HNRNPUL2: variants seen among roughly 807,000 people sequenced by gnomAD.
The protein encoded by HNRNPUL2 is heterogeneous nuclear ribonucleoprotein U-like protein 2.
Under a neutral mutation model 102.2 loss-of-function variants are expected in HNRNPUL2, and 27 were observed. That is an observed-to-expected ratio of 0.26 (90% confidence interval 0.19 to 0.36). HNRNPUL2 has a LOEUF of 0.36. HNRNPUL2 is among the 10% of genes least tolerant of loss of function. The pLI, the probability that HNRNPUL2 is intolerant of heterozygous loss-of-function variation, is 1.00. For synonymous variants in HNRNPUL2, 458 were observed against 387.2 expected (o/e 1.18, Z -2.15); for missense variants, 936 against 981.1 (o/e 0.95, Z 0.61).
rs1467491367 is a variant in HNRNPUL2, at chr11:62,723,952, T to C, written c.713A>G (p.Asp238Gly). 6.2e-7 allele frequency: 1 copy of C among 1,614,060 alleles called. No homozygotes were observed. Among genetic ancestry groups the C allele is most frequent in the Non-Finnish European group, 8.5e-7 (1 of 1,179,990 alleles). The change falls in exon 3 of 14, where the codon GAT (aspartate) becomes GGT (glycine). Residue 238 changes from aspartate to glycine, a missense_variant. Coordinates refer to ENST00000301785, the MANE Select transcript of HNRNPUL2 (RefSeq NM_001079559.3). ...CACAAGAGTTTGATCCTCCTCCTCATCTTTTGCCTCTTCTTCAGGAGGCAG... is the reference window on the plus strand; with the variant it reads ...CACAAGAGTTTGATCCTCCTCCTCACCTTTTGCCTCTTCTTCAGGAGGCAG... The part of the protein sequence containing the change: ...SPLPPEEEAK[D>G]EEEDQTLVNL...
Position 62,723,929 on chromosome 11 carries a change from C to T in HNRNPUL2, c.736G>A (p.Val246Met), listed in dbSNP as rs1306987334. ...TTATACATACACGTGTCCAGGTTCA[C>T]AAGAGTTTGATCCTCCTCCTCATCT... ...AKDEEEDQTL[V>M]NLDTYTSDLH... The change falls in exon 3 of 14, where the codon GTG becomes ATG. Residue 246 changes from valine to methionine, a missense_variant. Physicochemically the swap from Val to Met is conservative, Grantham distance 21. Transcript: ENST00000301785. 1 of 1,614,056 alleles carries T rather than the reference C, an allele frequency of 6.2e-7. No homozygotes were observed. Among genetic ancestry groups the T allele is most frequent in the African/African-American group, 1.3e-5 (1 of 75,042 alleles).
intron 10 of HNRNPUL2, among the ~76,000 whole-genome samples, chr11:62,718,080 A>G (rs971141943): frequency 1.6e-4 from 25 of 152,248 alleles, no homozygotes; most frequent in Non-Finnish European, 3.4e-4. Context: ...CATTCTCAGT[A>G]AACTCTGAGG....
rs1327159582 is a variant in HNRNPUL2, at chr11:62,715,709, A to G, written c.2056-102T>C. On this transcript the variant is annotated intron_variant, in intron 12 of 13. Coordinates refer to ENST00000301785, the MANE Select transcript of HNRNPUL2 (RefSeq NM_001079559.3). ...GCGACACATCTTAGCTCGATATTATAAATTGGTTTAATTTTCCCATAGTAA... is the reference window on the plus strand; with the variant it reads ...GCGACACATCTTAGCTCGATATTATGAATTGGTTTAATTTTCCCATAGTAA... 4.4e-6 allele frequency: 5 copies of G among 1,130,862 alleles called. No individual in the cohort carries two copies. The East Asian group carries it at 1.2e-4, about 27-fold the overall frequency. The allele number at this position is 1,130,862 out of a possible 1,614,324, so 70.1% of individuals were successfully genotyped here.
chr11:62,715,035 C>T lies in HNRNPUL2; in HGVS notation c.*264G>A. The T allele has an allele frequency of 4.8e-6, 2 of 415,854 alleles. No individual in the cohort carries two copies. Among genetic ancestry groups the T allele is most frequent in the East Asian group, 4.4e-5 (1 of 22,802 alleles). The allele number at this position is 415,854 out of a possible 1,614,324, so 25.8% of individuals were successfully genotyped here. A position where few individuals can be genotyped will look rare whatever the true frequency, so the allele number is the denominator to read the frequency against. On this transcript the variant is annotated 3_prime_UTR_variant, in exon 14 of 14. Coordinates refer to ENST00000301785, the MANE Select transcript of HNRNPUL2 (RefSeq NM_001079559.3). ...TTTCTGCGCAAATGTTTTTTGATTA[C>T]AAATCTCTAACTAGGTTTGAAATGT...
rs1481458805 is a variant in HNRNPUL2 at position 62,714,068 on chromosome 11, C to A, written c.*1231G>T. On this transcript the variant is annotated 3_prime_UTR_variant, in exon 14 of 14. Coordinates refer to ENST00000301785, the MANE Select transcript of HNRNPUL2 (RefSeq NM_001079559.3). ...AGTCGGGAAGGGGTGCTCCCTTTCA[C>A]ACGCACATTTACACACGTTCACACT... The A allele has an allele frequency of 6.6e-6, 1 of 152,172 alleles. No individual in the cohort carries two copies. Among genetic ancestry groups the A allele is most frequent in the Non-Finnish European group, 1.5e-5 (1 of 68,052 alleles). The allele number at this position is 152,172 out of a possible 1,614,324, so 9.4% of individuals were successfully genotyped here. A position where few individuals can be genotyped will look rare whatever the true frequency, so the allele number is the denominator to read the frequency against.
rs2083763693 is a variant in HNRNPUL2, at chr11:62,727,243, C to T, written c.-87G>A. 1.5e-6 allele frequency: 2 copies of T among 1,296,536 alleles called. No individual in the cohort carries two copies. The highest frequency in any genetic ancestry group is 2.0e-6 in the Non-Finnish European group (2 of 1,024,430). The allele number at this position is 1,296,536 out of a possible 1,614,324, so 80.3% of individuals were successfully genotyped here. A position where few individuals can be genotyped will look rare whatever the true frequency, so the allele number is the denominator to read the frequency against. On this transcript the variant is annotated 5_prime_UTR_variant, in exon 1 of 14. Transcript: ENST00000301785. ...GACCGCGCAGGCGCCGCCGCCGCCG[C>T]CCGCCTCCGCCTCACGCGCCAGCAC...
In HNRNPUL2 at chr11:62,715,231, T is replaced by G; in HGVS notation, c.*68A>C. 6 of 1,040,280 alleles carry G rather than the reference T, an allele frequency of 5.8e-6. No homozygotes were observed. Among genetic ancestry groups the G allele is most frequent in the Non-Finnish European group, 8.1e-6 (6 of 745,304 alleles). The allele number at this position is 1,040,280 out of a possible 1,614,324, so 64.4% of individuals were successfully genotyped here. A position where few individuals can be genotyped will look rare whatever the true frequency, so the allele number is the denominator to read the frequency against. On this transcript the variant is annotated 3_prime_UTR_variant, in exon 14 of 14. Coordinates refer to ENST00000301785, the MANE Select transcript of HNRNPUL2 (RefSeq NM_001079559.3). The stretch of plus-strand genomic sequence containing the variant: ...ACAGCCCCTGTTTTCCTTGGTTGTG[T>G]TTTGCGGGGGTGCCTGGCACCCCCA...
intron 10 of HNRNPUL2, among the ~76,000 whole-genome samples, chr11:62,719,816 T>C (rs2083686723): frequency 6.6e-6 from 1 of 152,158 alleles, no homozygotes; most frequent in African/African-American, 2.4e-5. Flanking sequence ...GTGGCTTTGT[T>C]ATAAAAGCAA....
chr11:62,721,834 G>C lies in HNRNPUL2; in HGVS notation c.1468C>G (p.Leu490Val). The part of the protein sequence containing the change: ...RYNVLGAETV[L>V]NQMRMKGLEE... ...CAGCAACTTACCCTCATTTGATTGA[G>C]CACAGTCTCAGCTCCCAGGACATTG... Residue 490 changes from leucine to valine, a missense_variant, in exon 8 of 14, where the codon CTC (leucine) becomes GTC (valine). Transcript: ENST00000301785. 1 of 1,614,110 alleles carries C rather than the reference G, an allele frequency of 6.2e-7. No individual in the cohort carries two copies. The highest frequency in any genetic ancestry group is 8.5e-7 in the Non-Finnish European group (1 of 1,179,994).
rs2083764158 is a variant in HNRNPUL2, at chr11:62,727,260, C to T, written c.-104G>A. Reference sequence around the variant, plus strand: ...CGCCGCCGCCCGCCTCCGCCTCACGCGCCAGCACTGAGCCCGCGCGAGCGA... The same window carrying T: ...CGCCGCCGCCCGCCTCCGCCTCACGTGCCAGCACTGAGCCCGCGCGAGCGA... On this transcript the variant is annotated 5_prime_UTR_variant, in exon 1 of 14. Coordinates refer to ENST00000301785, the MANE Select transcript of HNRNPUL2 (RefSeq NM_001079559.3). The T allele has an allele frequency of 2.4e-6, 3 of 1,237,436 alleles. No homozygotes were observed. The highest frequency in any genetic ancestry group is 1.6e-5 in the African/African-American group (1 of 63,182). 76.7% of individuals were successfully genotyped at this position (1,237,436 alleles called of 1,614,324 possible). A position where few individuals can be genotyped will look rare whatever the true frequency, so the allele number is the denominator to read the frequency against.
At position 62,716,360 on chromosome 11, in the gene HNRNPUL2, G is replaced by A. The variant is rs1311064803; in HGVS notation, c.1982-423C>T. Among the ~76,000 whole-genome samples, 3 of 152,192 alleles carry A rather than the reference G, an allele frequency of 2.0e-5. No homozygotes were observed. In the East Asian group the frequency reaches 5.8e-4, roughly 29 times the overall value. ...AATCAGCTCCTCAAGGGCGGGAACTGTCAGCATTTACAGTACCTAGCACAT... is the reference window on the plus strand; with the variant it reads ...AATCAGCTCCTCAAGGGCGGGAACTATCAGCATTTACAGTACCTAGCACAT... On this transcript the variant is annotated intron_variant, in intron 11 of 13. Transcript: ENST00000301785.
At chr11:62,721,175 T>C (rs1229025965) in intron 9 of HNRNPUL2, 120 bp downstream of exon 9, 21 of 933,686 alleles carry the variant, frequency 2.2e-5, no homozygotes, top group Admixed American at 5.6e-5. Flanking sequence ...TCAAAAAACA[T>C]TGCAACCATA....
At chr11:62,719,981 G>C in intron 10 of HNRNPUL2, 42 bp downstream of exon 10, 1 of 1,544,008 alleles carries the variant, frequency 6.5e-7, no homozygotes. Context: ...TGAAGTCTAT[G>C]GTATTCTGTT....
chr11:62,724,086 G>A lies in HNRNPUL2; in HGVS notation c.675-96C>T, dbSNP rs562016005. On this transcript the variant is annotated intron_variant, in intron 2 of 13. Coordinates refer to ENST00000301785, the MANE Select transcript of HNRNPUL2 (RefSeq NM_001079559.3). ...ACATTATGTCCATTTTAAACTGTCA[G>A]TGAATATCAAATCCCAGCAGACAGC... 6.6e-6 allele frequency: 8 copies of A among 1,219,722 alleles called. No homozygotes were observed. The Admixed American group carries it at 9.7e-5, about 15-fold the overall frequency. 75.6% of individuals were successfully genotyped at this position (1,219,722 alleles called of 1,614,324 possible). A position where few individuals can be genotyped will look rare whatever the true frequency, so the allele number is the denominator to read the frequency against.
intron 8 of HNRNPUL2, 52 bp downstream of exon 8, chr11:62,721,768 G>A (rs1239262084): frequency 6.9e-6 from 11 of 1,590,366 alleles, no homozygotes; most frequent in African/African-American, 1.3e-5. Context: ...TTAAAGATAG[G>A]TTATAAGAGT....
At chr11:62,721,047 T>C (rs983304671) in intron 9 of HNRNPUL2, among the ~76,000 whole-genome samples, 38 of 152,228 alleles carry the variant, frequency 2.5e-4, no homozygotes, top group African/African-American at 8.9e-4. Context: ...CAAACCAGAA[T>C]GTGGTGGAGC....
At chr11:62,719,492 T>C (rs544250651) in intron 10 of HNRNPUL2, among the ~76,000 whole-genome samples, 1 of 152,254 alleles carries the variant, frequency 6.6e-6, no homozygotes, top group African/African-American at 2.4e-5. Context: ...TGAGTCAAAA[T>C]TATTGCTTCT....
intron 4 of HNRNPUL2, among the ~76,000 whole-genome samples, chr11:62,723,249 T>C (rs572153264): frequency 6.6e-6 from 1 of 152,288 alleles, no homozygotes; most frequent in South Asian, 2.1e-4. Flanking sequence ...CCCAGCACTT[T>C]GGGAGGCCAA....
intron 11 of HNRNPUL2, among the ~76,000 whole-genome samples, 163 bp from the exon 12 acceptor site, chr11:62,716,100 TAA>T (rs779320303): frequency 1.3e-5 from 2 of 152,260 alleles, no homozygotes; most frequent in Middle Eastern, 3.4e-3. Flanking sequence ...CAGGAACTTT[TAA>T]AAAGTCTGAG....
Sources: gnomAD v4.1 joint callset for allele counts (sites outside exome capture counted in the v4.1 genomes callset) on GRCh38, gnomAD v4.1.1 for gene constraint, MANE v1.5 for transcripts, NCBI Gene and HGNC (gene_info 2026-07-23, HGNC 2026-07-21) for gene names.